The following COL4A2 variants were observed in gnomAD, a reference collection of about 807,000 sequenced individuals.
COL4A2 encodes collagen alpha-2(IV) chain.
In COL4A2, 99 loss-of-function variants were observed where a neutral mutation model predicts 200.2. The ratio of observed to expected loss-of-function variants is 0.49; its 90% confidence interval spans 0.42 to 0.58. The LOEUF is 0.58. COL4A2 is among the 20% of genes least tolerant of loss of function. The pLI is 0.00. For synonymous variants in COL4A2, 897 were observed against 900.6 expected, an observed-to-expected ratio of 1.00 and a Z score of 0.07; for missense variants, 1,950 against 2,314.1, an observed-to-expected ratio of 0.84 and a Z score of 3.23.
At position 110,471,176 on chromosome 13, in the gene COL4A2, A is replaced by G. The variant is rs1194311161; in HGVS notation, c.2204-1753A>G. Among the ~76,000 whole-genome samples, 4 of 152,222 alleles carry G rather than the reference A, an allele frequency of 2.6e-5. No individual in the cohort carries two copies. The South Asian group carries it at 8.3e-4, about 32-fold the overall frequency. ...AACAGCTTCTTGCTGTGAGTATGAA[A>G]GTTCTCTGGTAATTGTGATTGGAGT... is the stretch of plus-strand genomic sequence containing the variant. On this transcript the variant is annotated intron_variant, in intron 28 of 47. Transcript: ENST00000360467.
intron 6 of COL4A2, among the ~76,000 whole-genome samples, chr13:110,426,074 A>T (rs966826789): frequency 1.3e-5 from 2 of 152,228 alleles, no homozygotes; most frequent in Non-Finnish European, 2.9e-5. Context: ...CATCAGTCAG[A>T]ATCTTGAGAA....
intron 20 of COL4A2, among the ~76,000 whole-genome samples, chr13:110,452,655 A>G (rs1881584919): frequency 6.6e-6 from 1 of 152,256 alleles, no homozygotes; most frequent in Non-Finnish European, 1.5e-5. Flanking sequence ...TTCTTCAATT[A>G]GAAAACCCAC....
rs144114624 is a variant in COL4A2, at chr13:110,415,429, C to T, written c.181-9305C>T. On this transcript the variant is annotated intron_variant, in intron 4 of 47. Transcript: ENST00000360467. ...AGAAAAGGTGGAGTTCTATTTAAAG[C>T]ATGTCCTATTCAGGAACATTTCAAA... is the stretch of plus-strand genomic sequence containing the variant. 2.3e-3 allele frequency among the ~76,000 whole-genome samples: 343 copies of T among 152,220 alleles called. 1 individual carries two copies. The highest frequency in any genetic ancestry group is 7.5e-3 in the African/African-American group (312 of 41,548).
Position 110,512,190 on chromosome 13 carries a change from G to A in COL4A2, c.5138G>A (p.Ter1713=). ...SRCQVCMKNL[*] is the part of the protein sequence containing the mutation. ...TGCCAGGTGTGCATGAAGAACCTGTGAGCCGGCGCGTGCCAGGAAGGGCCA... is the reference window on the plus strand; with the variant it reads ...TGCCAGGTGTGCATGAAGAACCTGTAAGCCGGCGCGTGCCAGGAAGGGCCA... Residue 1713 remains the stop codon, a stop_retained_variant, in exon 48 of 48, where the codon TGA becomes TAA. Coordinates refer to ENST00000360467, the MANE Select transcript of COL4A2 (RefSeq NM_001846.4). 5 of 1,610,356 alleles carry A rather than the reference G, an allele frequency of 3.1e-6. No individual in the cohort carries two copies. Among genetic ancestry groups the A allele is most frequent in the Non-Finnish European group, 4.2e-6 (5 of 1,178,284 alleles).
At chr13:110,338,766 A>G (rs1268913744) in intron 3 of COL4A2, among the ~76,000 whole-genome samples, 2 of 152,256 alleles carry the variant, frequency 1.3e-5, no homozygotes, top group Non-Finnish European at 2.9e-5. Flanking sequence ...GCAAGCTGAA[A>G]AAATGTCTGG....
At chr13:110,333,748 G>A (rs1241403144) in intron 3 of COL4A2, among the ~76,000 whole-genome samples, 2 of 152,190 alleles carry the variant, frequency 1.3e-5, no homozygotes, top group South Asian at 4.1e-4. Context: ...ATTTCTGTGT[G>A]CTTTTATTCT....
At chr13:110,367,221 A>G (rs4773171) in intron 4 of COL4A2, among the ~76,000 whole-genome samples, 61,131 of 152,144 alleles carry the variant, frequency 0.4, 12,417 homozygotes, top group Middle Eastern at 0.56. Flanking sequence ...TGTTGGGGTG[A>G]ATAACTCTTA....
rs567982057 is a variant in COL4A2, at chr13:110,431,514, G to A, written c.649-811G>A. Among the ~76,000 whole-genome samples, 3 of 152,300 alleles carry A rather than the reference G, an allele frequency of 2.0e-5. No individual in the cohort carries two copies. In the South Asian group the frequency reaches 6.2e-4, roughly 32 times the overall value. On this transcript the variant is annotated intron_variant, in intron 10 of 47. Coordinates refer to ENST00000360467, the MANE Select transcript of COL4A2 (RefSeq NM_001846.4). ...GAAAGTCATTCTTGCAAGTAGCCCC[G>A]TCTGTGAAAGACCTGGTCAAGGTGG... is the stretch of plus-strand genomic sequence containing the variant.
intron 30 of COL4A2, among the ~76,000 whole-genome samples, chr13:110,478,397 C>CG (rs1242101324): frequency 6.6e-6 from 1 of 151,878 alleles, no homozygotes; most frequent in Non-Finnish European, 1.5e-5. Flanking sequence ...AAGGTCTCAT[C>CG]GGGAAAAAAG....
At chr13:110,437,964 A>G in intron 13 of COL4A2, 38 bp from the exon 14 acceptor site, 1 of 1,575,054 alleles carries the variant, frequency 6.3e-7, no homozygotes. Context: ...ACCATCCTCA[A>G]ATTAATAAGC....
intron 4 of COL4A2, among the ~76,000 whole-genome samples, chr13:110,413,615 G>A (rs1037371113): frequency 7.2e-5 from 11 of 152,244 alleles, no homozygotes; most frequent in African/African-American, 2.7e-4. Context: ...GCAGTGCACT[G>A]TGCCAGCGTG....
At chr13:110,361,695 G>A (rs1418106106) in intron 4 of COL4A2, among the ~76,000 whole-genome samples, 3 of 152,186 alleles carry the variant, frequency 2.0e-5, no homozygotes, top group South Asian at 2.1e-4. Context: ...ATCCTTGGGC[G>A]GTGAGTGGTA....
chr13:110,445,286 C>T (rs1049303097), intron 16 of COL4A2, among the ~76,000 whole-genome samples: 1 of 152,066 alleles, frequency 6.6e-6, no homozygotes, highest in East Asian at 1.9e-4. Context: ...AACACCTGAC[C>T]CCACGATCAA....
chr13:110,308,773 G>C (rs1309214119), intron 3 of COL4A2, among the ~76,000 whole-genome samples: 4 of 152,320 alleles, frequency 2.6e-5, no homozygotes, highest in African/African-American at 9.6e-5. Context: ...CGATACCGTG[G>C]GTGCAGCTGG....
At chr13:110,358,707 C>A (rs572919560) in intron 4 of COL4A2, among the ~76,000 whole-genome samples, 1 of 152,128 alleles carries the variant, frequency 6.6e-6, no homozygotes, top group Non-Finnish European at 1.5e-5. Context: ...AGTCATGATG[C>A]GGTGCCTGAT....
chr13:110,446,446 G>A (rs187136935), intron 17 of COL4A2, among the ~76,000 whole-genome samples: 7 of 152,270 alleles, frequency 4.6e-5, no homozygotes, highest in South Asian at 2.1e-4. Context: ...TCCTGCGGCC[G>A]CATCATCTCC....
chr13:110,308,216 CG>C (rs1198607532), intron 3 of COL4A2, 93 bp downstream of exon 3: 28 of 1,428,676 alleles, frequency 2.0e-5, no homozygotes, highest in Non-Finnish European at 2.6e-5. Flanking sequence ...CGTGCGCTCC[CG>C]AGTGTGTGTG....
chr13:110,364,031 G>A (rs1213590004), intron 4 of COL4A2, among the ~76,000 whole-genome samples: 1 of 152,214 alleles, frequency 6.6e-6, no homozygotes, highest in Non-Finnish European at 1.5e-5. Context: ...ATGTGGGCAT[G>A]TGTGGAATAA....
At chr13:110,486,572 G>A (rs565453546) in intron 34 of COL4A2, among the ~76,000 whole-genome samples, 1 of 152,334 alleles carries the variant, frequency 6.6e-6, no homozygotes, top group Admixed American at 6.5e-5. Context: ...GAGCAGATCA[G>A]AAGGTCTGGG....
Sources: gnomAD v4.1 joint callset for allele counts (sites outside exome capture counted in the v4.1 genomes callset) on GRCh38, gnomAD v4.1.1 for gene constraint, MANE v1.5 for transcripts, NCBI Gene and HGNC (gene_info 2026-07-23, HGNC 2026-07-21) for gene names.